SLC9A6: variants seen among roughly 807,000 people sequenced by gnomAD.
SLC9A6 encodes the protein solute carrier family 9 member A6.
SLC9A6 carries 6 observed loss-of-function variants against 45.3 expected under a neutral mutation model. The ratio of observed to expected loss-of-function variants is 0.13; its 90% CI spans 0.07 to 0.26. The LOEUF is 0.26. Among genes scored for constraint, SLC9A6 ranks in the 10% least tolerant of loss-of-function variants. The probability of loss-of-function intolerance (pLI) is 1.00; values close to 1 mark genes in which losing one functional copy is unlikely to be tolerated. For missense variants in SLC9A6, 278 were observed against 503.7 expected, an observed-to-expected ratio of 0.55 and a Z score of 4.29; for synonymous variants, 191 against 187.7, an observed-to-expected ratio of 1.02 and a Z score of -0.14.
intron 11 of SLC9A6, among the ~76,000 whole-genome samples, chrX:136,019,117 C>G (rs2071076546): frequency 8.9e-6 from 1 of 111,815 alleles, no homozygotes; most frequent in Admixed American, 9.5e-5. Flanking sequence ...GGCCTCGTAA[C>G]AGGAGAGAGT....
chrX:136,012,933 G>A lies in SLC9A6; in HGVS notation c.886-16G>A. 1.8e-6 allele frequency: 2 copies of A among 1,135,113 alleles called. No individual in the cohort carries two copies. Among genetic ancestry groups the A allele is most frequent in the South Asian group, 1.8e-5 (1 of 55,366 alleles). 93.5% of individuals were successfully genotyped at this position (1,135,113 alleles called of 1,213,427 possible). ...TTTGTGTTACAAGATCTCATTACTAGCCTTAACAGTCTTACGTGACAAAGT... is the reference window on the plus strand; with the variant it reads ...TTTGTGTTACAAGATCTCATTACTAACCTTAACAGTCTTACGTGACAAAGT... On this transcript the variant is annotated splice_polypyrimidine_tract_variant and intron_variant, in intron 8 of 17. Transcript: ENST00000630721.
chrX:136,023,167 A>ATATG (rs2071163353), intron 12 of SLC9A6, among the ~76,000 whole-genome samples: 35 of 2,206 alleles, frequency 0.016, 2 homozygotes, highest in East Asian at 0.027. Flanking sequence ...GAAAATGTAT[A>ATATG]TATATATATA....
In SLC9A6 at chrX:136,044,523, A is replaced by T. The variant is rs1556623192; in HGVS notation, c.1839A>T (p.Gly613=). The change falls in exon 18 of 18, where the codon GGA becomes GGT. Residue 613 remains glycine (G), a synonymous_variant. Transcript: ENST00000630721. ...LNDGDISLTY[G]DSTVNTEPAT... Reference sequence around the variant, plus strand: ...ATGGTGACATCAGTTTGACATATGGAGATTCTACTGTGAACACTGAACCGG... The same window carrying T: ...ATGGTGACATCAGTTTGACATATGGTGATTCTACTGTGAACACTGAACCGG... 5.8e-6 allele frequency: 7 copies of T among 1,207,628 alleles called. No homozygotes were observed. Among genetic ancestry groups the T allele is most frequent in the Non-Finnish European group, 7.8e-6 (7 of 891,727 alleles).
At chrX:136,008,808 C>G (rs2070868002) in intron 7 of SLC9A6, among the ~76,000 whole-genome samples, 1 of 111,886 alleles carries the variant, frequency 8.9e-6, no homozygotes. Flanking sequence ...TCAATTGATA[C>G]AGAAAAGATG....
intron 3 of SLC9A6, among the ~76,000 whole-genome samples, chrX:135,996,106 T>C (rs1603195670): frequency 1.0e-5 from 1 of 98,350 alleles, no homozygotes; most frequent in African/African-American, 3.8e-5. Context: ...ATCTCAGCTC[T>C]CTGCAACCCC....
At position 135,989,127 on chromosome X, in the gene SLC9A6, C is replaced by A. The variant is rs374289845; in HGVS notation, c.169+3300C>A. Among the ~76,000 whole-genome samples the A allele has an allele frequency of 4.5e-5, 5 of 111,412 alleles. No homozygotes were observed. In the East Asian group the frequency reaches 1.1e-3, roughly 25 times the overall value. ...GTGATATTGGGTTAGCTACGTAAAT[C>A]CTGGAAAATGCTATTAAAAATAAGC... On this transcript the variant is annotated intron_variant, in intron 2 of 17. Coordinates refer to ENST00000630721, the MANE Select transcript of SLC9A6 (RefSeq NM_001379110.1).
In SLC9A6 at chrX:136,021,647, C is replaced by T. The variant is rs782263308; in HGVS notation, c.1195-939C>T. Among the ~76,000 whole-genome samples, 351 of 112,066 alleles carry T rather than the reference C, an allele frequency of 3.1e-3. 1 individual carries two copies. Among genetic ancestry groups the T allele is most frequent in the Admixed American group, 5.5e-3 (58 of 10,598 alleles). ...GTTCAAGCAATTCTCGTGCCTCAGC[C>T]ACCAGAGTAGCTGGGATTACAGGTG... On this transcript the variant is annotated intron_variant, in intron 11 of 17. Transcript: ENST00000630721.
chrX:136,046,342 C>G lies in SLC9A6; in HGVS notation c.*1618C>G, dbSNP rs782692197. On this transcript the variant is annotated 3_prime_UTR_variant, in exon 18 of 18. Coordinates refer to ENST00000630721, the MANE Select transcript of SLC9A6 (RefSeq NM_001379110.1). ...TTGTACCCTTTCGTGGCAGCTTTGA[C>G]TGTTGGCATAGCCATTTGTTATGTA... 8.9e-6 allele frequency: 1 copy of G among 112,592 alleles called. No homozygotes were observed. Among genetic ancestry groups the G allele is most frequent in the African/African-American group, 3.2e-5 (1 of 30,880 alleles). 9.3% of individuals were successfully genotyped at this position (112,592 alleles called of 1,213,427 possible).
Position 135,998,099 on chromosome X carries a change from T to C in SLC9A6, c.370-9T>C. The C allele has an allele frequency of 1.1e-6, 1 of 940,543 alleles. No homozygotes were observed. The highest frequency in any genetic ancestry group is 1.5e-6 in the Non-Finnish European group (1 of 648,476). 77.5% of individuals were successfully genotyped at this position (940,543 alleles called of 1,213,427 possible). On this transcript the variant is annotated splice_polypyrimidine_tract_variant and intron_variant, in intron 3 of 17. Transcript: ENST00000630721. ...GGAATTGATCTAAAATAACTCTTTA[T>C]TTTAACAGGTTACTTTTGATCCAGA...
At chrX:135,997,546 T>C (rs1462506565) in intron 3 of SLC9A6, among the ~76,000 whole-genome samples, 3 of 103,102 alleles carry the variant, frequency 2.9e-5, no homozygotes, top group Non-Finnish European at 5.9e-5. Flanking sequence ...TAGCTGGGAT[T>C]ACAGGCACAC....
At chrX:136,015,791 A>G (rs1556619220) in intron 10 of SLC9A6, among the ~76,000 whole-genome samples, 3 of 111,715 alleles carry the variant, frequency 2.7e-5, no homozygotes, top group East Asian at 2.8e-4. Flanking sequence ...GCCCAAAGCC[A>G]CACAGCCAGC....
At chrX:135,985,275 G>A, upstream of SLC9A6, 1 of 289,530 alleles carries the variant, frequency 3.5e-6, no homozygotes, top group East Asian at 5.3e-5. Flanking sequence ...GGCTAGTTTA[G>A]ACGGCCTTTC....
intron 6 of SLC9A6, among the ~76,000 whole-genome samples, chrX:135,999,738 T>C (rs1397715210): frequency 3.6e-5 from 4 of 112,063 alleles, no homozygotes; most frequent in Non-Finnish European, 7.5e-5. Flanking sequence ...CATAGACTGA[T>C]GTTTTTGAAC....
At chrX:135,982,699 C>G (rs1412844137), upstream of SLC9A6, among the ~76,000 whole-genome samples, 2 of 111,643 alleles carry the variant, frequency 1.8e-5, no homozygotes, top group Non-Finnish European at 3.8e-5. Flanking sequence ...GTCTTGAACT[C>G]CTGGGCTCAA....
intron 16 of SLC9A6, among the ~76,000 whole-genome samples, chrX:136,033,927 G>A (rs974227562): frequency 2.7e-5 from 3 of 111,758 alleles, no homozygotes; most frequent in Non-Finnish European, 3.8e-5. Flanking sequence ...TCAATACTGC[G>A]CTGTTCAGCA....
chrX:135,976,882 C>T (rs1004293493), intron 1 of SLC9A6, among the ~76,000 whole-genome samples: 3 of 111,717 alleles, frequency 2.7e-5, no homozygotes, highest in Non-Finnish European at 5.6e-5. Flanking sequence ...ACCTCTTTAC[C>T]CATATACTGA....
chrX:136,001,223 G>C (rs1209006750), intron 6 of SLC9A6, among the ~76,000 whole-genome samples: 1 of 107,414 alleles, frequency 9.3e-6, no homozygotes, highest in Non-Finnish European at 1.9e-5. Flanking sequence ...TGTAGTCCCA[G>C]CTACTCGGGA....
At chrX:136,007,975 T>G (rs1321153052) in intron 7 of SLC9A6, among the ~76,000 whole-genome samples, 3 of 110,885 alleles carry the variant, frequency 2.7e-5, no homozygotes, top group African/African-American at 9.8e-5. Flanking sequence ...CCTCCAAAAG[T>G]GTAATGGAGA....
chrX:135,989,524 G>T, intron 2 of SLC9A6, among the ~76,000 whole-genome samples: 1 of 112,366 alleles, frequency 8.9e-6, no homozygotes, highest in South Asian at 3.6e-4. Flanking sequence ...GATATGATGA[G>T]AAATACATGT....
Sources: gnomAD v4.1 joint callset for allele counts (sites outside exome capture counted in the v4.1 genomes callset) on GRCh38, gnomAD v4.1.1 for gene constraint, MANE v1.5 for transcripts, NCBI Gene and HGNC (gene_info 2026-07-23, HGNC 2026-07-21) for gene names.